Variants in SDC2 observed in about 807,000 individuals in gnomAD.
SDC2 encodes the protein syndecan 2.
SDC2 carries 13 observed loss-of-function variants against 22.2 expected under a neutral mutation model. The ratio of observed to expected loss-of-function variants is 0.59; its 90% CI spans 0.38 to 0.93. SDC2 has a LOEUF of 0.93. Ranked by LOEUF, SDC2 falls within the 40% of genes least tolerant of loss-of-function variation. The pLI is 0.00. For missense variants in SDC2, 235 were observed against 246.8 expected (o/e 0.95, Z 0.32); for synonymous variants, 94 against 92.8 (o/e 1.01, Z -0.07).
At chr8:96,495,269 C>G (rs960011361) in intron 1 of SDC2, among the ~76,000 whole-genome samples, 17 of 152,218 alleles carry the variant, frequency 1.1e-4, no homozygotes, top group Admixed American at 7.2e-4. Flanking sequence ...TCCGGCGGAG[C>G]GCCTGCCGGC....
At chr8:96,598,199 C>A (rs1814913543) in intron 2 of SDC2, among the ~76,000 whole-genome samples, 1 of 152,328 alleles carries the variant, frequency 6.6e-6, no homozygotes, top group East Asian at 1.9e-4. Context: ...CATGAGGGCC[C>A]TGCCCCCATG....
At chr8:96,563,467 T>C (rs1315620161) in intron 1 of SDC2, among the ~76,000 whole-genome samples, 1 of 152,234 alleles carries the variant, frequency 6.6e-6, no homozygotes, top group Non-Finnish European at 1.5e-5. Flanking sequence ...TCTTGTACTT[T>C]TCCACTTTTA....
chr8:96,514,858 G>T (rs2130447147), intron 1 of SDC2, among the ~76,000 whole-genome samples: 1 of 152,308 alleles, frequency 6.6e-6, no homozygotes, highest in East Asian at 1.9e-4. Flanking sequence ...CTACTCACCT[G>T]CTGTGGGGCT....
At chr8:96,599,338 A>G (rs1417221896) in intron 2 of SDC2, among the ~76,000 whole-genome samples, 2 of 152,148 alleles carry the variant, frequency 1.3e-5, no homozygotes, top group Non-Finnish European at 2.9e-5. Context: ...TTGATGACTC[A>G]TATTGGTAAC....
At chr8:96,526,710 C>A (rs1447235768) in intron 1 of SDC2, among the ~76,000 whole-genome samples, 1 of 151,662 alleles carries the variant, frequency 6.6e-6, no homozygotes, top group African/African-American at 2.4e-5. Flanking sequence ...ACTTGGTGTA[C>A]TCCTCAAAGA....
intron 1 of SDC2, among the ~76,000 whole-genome samples, chr8:96,509,260 G>C (rs2589185): frequency 0.099 from 13,997 of 141,646 alleles, 2,558 homozygotes; most frequent in African/African-American, 0.2. Context: ...GTGTCAAGCA[G>C]TAATAAGAGT....
intron 1 of SDC2, among the ~76,000 whole-genome samples, chr8:96,519,705 T>C (rs906014307): frequency 6.6e-6 from 1 of 151,724 alleles, no homozygotes; most frequent in African/African-American, 2.4e-5. Flanking sequence ...CAGGCTGGAG[T>C]GTAGTGGTGC....
chr8:96,528,150 AT>A (rs1813606932), intron 1 of SDC2, among the ~76,000 whole-genome samples: 1 of 152,154 alleles, frequency 6.6e-6, no homozygotes, highest in Non-Finnish European at 1.5e-5. Flanking sequence ...AAATCTATTT[AT>A]ATCTTTGCTT....
intron 2 of SDC2, among the ~76,000 whole-genome samples, chr8:96,596,692 T>C (rs1263956167): frequency 6.6e-6 from 1 of 152,208 alleles, no homozygotes; most frequent in Non-Finnish European, 1.5e-5. Context: ...TGGTTAAAGA[T>C]GGCAGATCGA....
intron 1 of SDC2, among the ~76,000 whole-genome samples, chr8:96,592,565 A>G (rs1012955673): frequency 7.2e-5 from 11 of 152,120 alleles, no homozygotes; most frequent in African/African-American, 2.2e-4. Context: ...TACTAAAACC[A>G]TTTTTTAAAG....
intron 4 of SDC2, among the ~76,000 whole-genome samples, chr8:96,608,993 C>T (rs1047922897): frequency 6.6e-6 from 1 of 151,962 alleles, no homozygotes; most frequent in Non-Finnish European, 1.5e-5. Context: ...AATTTGCATG[C>T]TTTTTTTCAT....
intron 1 of SDC2, among the ~76,000 whole-genome samples, chr8:96,516,416 A>G (rs927301109): frequency 6.6e-6 from 1 of 152,190 alleles, no homozygotes; most frequent in African/African-American, 2.4e-5. Flanking sequence ...ATAACATTGA[A>G]TAGCTTTGTT....
chr8:96,579,747 A>C (rs767109034), intron 1 of SDC2, among the ~76,000 whole-genome samples: 34 of 152,238 alleles, frequency 2.2e-4, no homozygotes, highest in South Asian at 4.1e-4. Context: ...AATTTGTTCA[A>C]CTGGCATTTG....
intron 1 of SDC2, among the ~76,000 whole-genome samples, chr8:96,557,945 G>C (rs1334468698): frequency 6.6e-6 from 1 of 152,082 alleles, no homozygotes; most frequent in Non-Finnish European, 1.5e-5. Context: ...GGAACACAGT[G>C]CGTTAAACTT....
intron 1 of SDC2, among the ~76,000 whole-genome samples, chr8:96,500,109 A>C (rs1813139053): frequency 6.6e-6 from 1 of 152,172 alleles, no homozygotes; most frequent in Non-Finnish European, 1.5e-5. Context: ...CTCTGCACTC[A>C]GTGTCATCAG....
intron 1 of SDC2, among the ~76,000 whole-genome samples, chr8:96,542,957 T>G (rs1419289604): frequency 6.6e-6 from 1 of 152,166 alleles, no homozygotes; most frequent in Admixed American, 6.5e-5. Context: ...GAGAGGATAG[T>G]TATACAGGGG....
At chr8:96,601,137 C>T (rs1398781412) in intron 2 of SDC2, among the ~76,000 whole-genome samples, 1 of 152,130 alleles carries the variant, frequency 6.6e-6, no homozygotes, top group African/African-American at 2.4e-5. Context: ...TGGCACTTGA[C>T]AGTGTGCAGT....
intron 1 of SDC2, among the ~76,000 whole-genome samples, chr8:96,527,788 G>A (rs1027915380): frequency 5.9e-5 from 9 of 152,082 alleles, no homozygotes; most frequent in South Asian, 2.1e-4. Context: ...AGAAAATTGA[G>A]GTATTAAGGG....
At chr8:96,585,751 T>C (rs1267043388) in intron 1 of SDC2, among the ~76,000 whole-genome samples, 1 of 152,122 alleles carries the variant, frequency 6.6e-6, no homozygotes, top group Non-Finnish European at 1.5e-5. Flanking sequence ...CACCACCAGA[T>C]GCCCCAACGT....
Sources: allele counts gnomAD v4.1 joint callset (sites outside exome capture counted in the v4.1 genomes callset), GRCh38; gene constraint gnomAD v4.1.1; transcripts MANE v1.5; gene names NCBI Gene and HGNC (gene_info 2026-07-23, HGNC 2026-07-21).